Variants in RANBP9 observed in about 807,000 individuals in gnomAD.
The protein encoded by RANBP9 is ran-binding protein 9.
A neutral mutation model predicts 84.3 loss-of-function variants in RANBP9; 15 were observed. That is an observed-to-expected ratio of 0.18 (90% CI 0.12 to 0.27). The LOEUF (loss-of-function observed/expected upper bound fraction) is 0.27. Among genes scored for constraint, RANBP9 ranks in the 10% least tolerant of loss-of-function variants. RANBP9 has a pLI of 1.00. For missense variants in RANBP9, 809 were observed against 912.8 expected (o/e 0.89, Z 1.46); for synonymous variants, 392 against 349.6 (o/e 1.12, Z -1.35).
intron 3 of RANBP9, among the ~76,000 whole-genome samples, chr6:13,657,537 A>G (rs1384242067): frequency 6.6e-6 from 1 of 152,204 alleles, no homozygotes; most frequent in African/African-American, 2.4e-5. Context: ...AAACAAACAT[A>G]AATGCAACAA....
chr6:13,670,535 G>T (rs986088546), intron 2 of RANBP9, among the ~76,000 whole-genome samples: 6 of 152,100 alleles, frequency 3.9e-5, no homozygotes, highest in Non-Finnish European at 8.8e-5. Flanking sequence ...GGTGGCTCAT[G>T]CCTGTAATCC....
At chr6:13,625,396 TTACA>T in intron 13 of RANBP9, among the ~76,000 whole-genome samples, 1 of 152,294 alleles carries the variant, frequency 6.6e-6, no homozygotes, top group Non-Finnish European at 1.5e-5. Flanking sequence ...CCAGAAATGC[TTACA>T]TACATGCACA....
rs975904691 is a variant in RANBP9, at chr6:13,705,894, T to A, written c.571+5041A>T. 3.7e-5 allele frequency among the ~76,000 whole-genome samples: 5 copies of A among 134,546 alleles called. No individual in the cohort carries two copies. In the South Asian group the frequency reaches 1.2e-3, roughly 31 times the overall value. The allele number at this position is 134,546 out of a possible 152,430, so 88.3% of individuals were successfully genotyped here. On this transcript the variant is annotated intron_variant, in intron 1 of 13. Coordinates refer to ENST00000011619, the MANE Select transcript of RANBP9 (RefSeq NM_005493.3). ...AAAAAAAAAAAAAAAAAAGAAACAT[T>A]TTTATATCACCCCCGTAATGCTTAA...
chr6:13,655,499 A>C (rs1765378202), intron 4 of RANBP9, among the ~76,000 whole-genome samples: 1 of 152,172 alleles, frequency 6.6e-6, no homozygotes, highest in Admixed American at 6.5e-5. Context: ...ACAAAAAATA[A>C]AAATTTATAA....
At chr6:13,629,925 T>TC (rs1430693678) in intron 12 of RANBP9, among the ~76,000 whole-genome samples, 6 of 143,804 alleles carry the variant, frequency 4.2e-5, no homozygotes, top group African/African-American at 1.3e-4. Flanking sequence ...CTCTCTCGTG[T>TC]GTGTGTGTGT....
chr6:13,657,913 C>G (rs945269720), intron 3 of RANBP9, among the ~76,000 whole-genome samples: 1 of 152,160 alleles, frequency 6.6e-6, no homozygotes, highest in East Asian at 1.9e-4. Context: ...ACTACATTGT[C>G]TTGGTTTGTT....
chr6:13,631,187 T>C (rs1456806336), intron 12 of RANBP9, among the ~76,000 whole-genome samples: 3 of 152,290 alleles, frequency 2.0e-5, no homozygotes, highest in Non-Finnish European at 4.4e-5. Context: ...ACTTTTTTGA[T>C]AGCTCAGGGT....
At chr6:13,673,465 C>A (rs1476828797) in intron 2 of RANBP9, among the ~76,000 whole-genome samples, 1 of 152,030 alleles carries the variant, frequency 6.6e-6, no homozygotes. Context: ...AAGGGAGAGT[C>A]CAAGAAGGAA....
intron 10 of RANBP9, among the ~76,000 whole-genome samples, chr6:13,635,923 A>G (rs775045703): frequency 2.0e-5 from 3 of 152,116 alleles, no homozygotes; most frequent in Non-Finnish European, 4.4e-5. Flanking sequence ...ATATTATGAA[A>G]CAGCCTCTGC....
chr6:13,692,521 C>T (rs1225108346), intron 2 of RANBP9, among the ~76,000 whole-genome samples: 5 of 98,106 alleles, frequency 5.1e-5, no homozygotes, highest in African/African-American at 2.1e-4. Flanking sequence ...GAGCGAAACT[C>T]CGTCTCAAAA....
intron 1 of RANBP9, among the ~76,000 whole-genome samples, chr6:13,703,498 G>A (rs1733875952): frequency 6.6e-6 from 1 of 152,192 alleles, no homozygotes; most frequent in African/African-American, 2.4e-5. Context: ...CCTTGTACCA[G>A]CAGGGTATTT....
chr6:13,703,175 C>T (rs958024432), intron 1 of RANBP9, among the ~76,000 whole-genome samples: 1 of 152,184 alleles, frequency 6.6e-6, no homozygotes, highest in Admixed American at 6.5e-5. Context: ...ACTGCACCCT[C>T]CCGTGCTCAG....
rs534233499 is a variant in RANBP9 at position 13,676,112 on chromosome 6, G to C, written c.684-17280C>G. Among the ~76,000 whole-genome samples the C allele has an allele frequency of 3.8e-4, 58 of 152,150 alleles. 1 individual carries two copies. Among genetic ancestry groups the C allele is most frequent in the Non-Finnish European group, 6.8e-4 (46 of 67,942 alleles). The stretch of plus-strand genomic sequence containing the variant: ...CTAGAAGCAATGATACCCAAGAGTA[G>C]AAAGCACACCCATAATAAATCTATT... On this transcript the variant is annotated intron_variant, in intron 2 of 13. Coordinates refer to ENST00000011619, the MANE Select transcript of RANBP9 (RefSeq NM_005493.3).
At chr6:13,680,268 C>CTT (rs922872750) in intron 2 of RANBP9, among the ~76,000 whole-genome samples, 10 of 152,188 alleles carry the variant, frequency 6.6e-5, no homozygotes, top group African/African-American at 2.2e-4. Context: ...TACGAAAAAA[C>CTT]TTTTCTGAAA....
In RANBP9 at chr6:13,644,663, G is replaced by A. The variant is rs150739918; in HGVS notation, c.994C>T (p.His332Tyr). 2.1e-5 allele frequency: 34 copies of A among 1,612,970 alleles called. No homozygotes were observed. Among genetic ancestry groups the A allele is most frequent in the Admixed American group, 3.3e-5 (2 of 59,834 alleles). The change falls in exon 6 of 14, where the codon CAT (histidine) becomes TAT (tyrosine). Residue 332 changes from histidine (H) to tyrosine (Y), a missense_variant. Coordinates refer to ENST00000011619, the MANE Select transcript of RANBP9 (RefSeq NM_005493.3). ...GEVVDANFGQ[H>Y]PFVFDIEDYM... is the part of the protein sequence containing the mutation. ...TCTTCTATATCAAACACGAAAGGATGTTGCCCAAAATTGGCATCGACCACT... is the reference window on the plus strand; with the variant it reads ...TCTTCTATATCAAACACGAAAGGATATTGCCCAAAATTGGCATCGACCACT...
At chr6:13,672,307 T>C (rs1018910401) in intron 2 of RANBP9, among the ~76,000 whole-genome samples, 8 of 152,092 alleles carry the variant, frequency 5.3e-5, no homozygotes, top group Non-Finnish European at 1.0e-4. Flanking sequence ...GGAACTCTGG[T>C]CCACTAAAAA....
intron 5 of RANBP9, among the ~76,000 whole-genome samples, chr6:13,650,207 C>T (rs1242525604): frequency 6.7e-6 from 1 of 148,488 alleles, no homozygotes; most frequent in African/African-American, 2.5e-5. Flanking sequence ...CATTATATTG[C>T]CCAAAGTGGT....
At chr6:13,704,165 C>G (rs1208537344) in intron 1 of RANBP9, among the ~76,000 whole-genome samples, 1 of 152,196 alleles carries the variant, frequency 6.6e-6, no homozygotes, top group African/African-American at 2.4e-5. Flanking sequence ...CAATAGTCTT[C>G]TAAATGAATT....
chr6:13,701,478 A>G lies in RANBP9; in HGVS notation c.572-4582T>C, dbSNP rs1757969224. Among the ~76,000 whole-genome samples the G allele has an allele frequency of 2.6e-5, 4 of 152,174 alleles. No homozygotes were observed. In the South Asian group the frequency reaches 8.3e-4, roughly 32 times the overall value. ...GCAAAGTACCTCACCTCTTATCAAG[A>G]AAACAGGAGGCCAGCTGGGTGCGGT... is the stretch of plus-strand genomic sequence containing the variant. On this transcript the variant is annotated intron_variant, in intron 1 of 13. Coordinates refer to ENST00000011619, the MANE Select transcript of RANBP9 (RefSeq NM_005493.3).
Sources: allele counts gnomAD v4.1 joint callset (sites outside exome capture counted in the v4.1 genomes callset), GRCh38; gene constraint gnomAD v4.1.1; transcripts MANE v1.5; gene names NCBI Gene and HGNC (gene_info 2026-07-23, HGNC 2026-07-21).